GREB1: variants seen among roughly 807,000 people sequenced by gnomAD.
GREB1 encodes the protein growth regulating estrogen receptor binding 1.
Under a neutral mutation model 200.7 loss-of-function variants are expected in GREB1, and 106 were observed. The ratio of observed to expected loss-of-function variants is 0.53; its 90% CI spans 0.45 to 0.62. The LOEUF (loss-of-function observed/expected upper bound fraction) is 0.62, where lower values mean the gene tolerates loss of function less well. Ranked by LOEUF, GREB1 falls within the 20% of genes least tolerant of loss-of-function variation. GREB1 has a pLI of 0.00. For missense variants in GREB1, 2,243 were observed against 2,556.8 expected (o/e 0.88, Z 2.65); for synonymous variants, 1,132 against 1,092.4 (o/e 1.04, Z -0.72).
chr2:11,640,113 A>G lies in GREB1; in HGVS notation c.5687-178A>G, dbSNP rs1003322091. Among the ~76,000 whole-genome samples, 1 of 151,762 alleles carries G rather than the reference A, an allele frequency of 6.6e-6. No homozygotes were observed. The highest frequency in any genetic ancestry group is 2.4e-5 in the African/African-American group (1 of 41,290). On this transcript the variant is annotated intron_variant, in intron 32 of 32. Transcript: ENST00000381486. The surrounding 1 kb of genome is among the most constrained non-coding windows in gnomAD (Gnocchi z 4.6). ...CGCACACCTGCCACATCCCAGCCAC[A>G]CTCCTGTCTCGCTAAGATTGTACAT... is the stretch of plus-strand genomic sequence containing the variant.
intron 11 of GREB1, among the ~76,000 whole-genome samples, chr2:11,593,730 A>T (rs777761626): frequency 2.4e-4 from 36 of 152,138 alleles, no homozygotes; most frequent in Non-Finnish European, 4.3e-4. Context: ...AGGCCTCCCA[A>T]AGTGCTGGGA....
Position 11,585,864 on chromosome 2 carries a change from A to G in GREB1, c.1118A>G (p.Asn373Ser), listed in dbSNP as rs1308375299. 1.2e-6 allele frequency: 2 copies of G among 1,614,030 alleles called. No individual in the cohort carries two copies. The highest frequency in any genetic ancestry group is 1.1e-5 in the South Asian group (1 of 91,068). ...GGAGAACCAGTGTCTGTTCCTGACA[A>G]CTTGCTGAAAATATGCAAGGCCAAG... is the stretch of plus-strand genomic sequence containing the variant. ...ASGEPVSVPDNLLKICKAKPV... is the reference protein window; with the variant it reads ...ASGEPVSVPDSLLKICKAKPV... The change falls in exon 9 of 33, where the codon AAC becomes AGC. Residue 373 changes from asparagine (N) to serine (S), a missense_variant. Asn to Ser is a conservative substitution (Grantham distance 46). Coordinates refer to ENST00000381486, the MANE Select transcript of GREB1 (RefSeq NM_014668.4).
chr2:11,612,642 C>A, intron 19 of GREB1, 32 bp downstream of exon 19: 1 of 1,423,494 alleles, frequency 7.0e-7, no homozygotes, highest in South Asian at 1.2e-5. Context: ...CTGGGGGTCT[C>A]TGAGGAGCTG....
At chr2:11,499,792 A>G (rs189900272) in intron 1 of GREB1, among the ~76,000 whole-genome samples, 2 of 152,344 alleles carry the variant, frequency 1.3e-5, no homozygotes, top group African/African-American at 4.8e-5. Context: ...AAAAAAGGCT[A>G]TCATATTGTA....
At chr2:11,502,015 C>T (rs913545392) in intron 1 of GREB1, among the ~76,000 whole-genome samples, 12 of 138,096 alleles carry the variant, frequency 8.7e-5, no homozygotes, top group Middle Eastern at 8.5e-3. Flanking sequence ...CTCCCGGGTT[C>T]AAGCGGTTCT....
intron 1 of GREB1, among the ~76,000 whole-genome samples, chr2:11,521,315 G>T (rs1028859354): frequency 6.6e-6 from 1 of 151,984 alleles, no homozygotes; most frequent in Non-Finnish European, 1.5e-5. Flanking sequence ...TCACAATGTT[G>T]CCCGGGCTGG....
At chr2:11,498,478 A>G (rs1305480062) in intron 1 of GREB1, among the ~76,000 whole-genome samples, 2 of 152,250 alleles carry the variant, frequency 1.3e-5, no homozygotes, top group Admixed American at 1.3e-4. Flanking sequence ...TAAAGTTTGC[A>G]TAATAAATTA....
At chr2:11,588,456 G>C (rs368070662) in intron 9 of GREB1, 1 of 450,608 alleles carries the variant, frequency 2.2e-6, no homozygotes, top group African/African-American at 2.0e-5. Context: ...CTTGGCTCTG[G>C]GCAAGTCCCT....
intron 3 of GREB1, among the ~76,000 whole-genome samples, chr2:11,563,685 C>T (rs561089607): frequency 3.3e-5 from 5 of 152,336 alleles, no homozygotes; most frequent in Non-Finnish European, 7.3e-5. Flanking sequence ...AAATGGTTTA[C>T]ATATGACACT....
At chr2:11,606,910 G>C (rs1682354631) in intron 17 of GREB1, among the ~76,000 whole-genome samples, 1 of 151,732 alleles carries the variant, frequency 6.6e-6, no homozygotes, top group South Asian at 2.1e-4. Context: ...AGCCTCCTGA[G>C]TAGCTGGGAT....
chr2:11,541,751 C>T (rs1486961411), intron 1 of GREB1, among the ~76,000 whole-genome samples: 1 of 152,182 alleles, frequency 6.6e-6, no homozygotes, highest in Non-Finnish European at 1.5e-5. Flanking sequence ...ATTTCAAACA[C>T]CTTAGCAGGG....
Position 11,492,098 on chromosome 2 carries a change from C to T in GREB1, c.-159+9717C>T, listed in dbSNP as rs1200369761. Among the ~76,000 whole-genome samples the T allele has an allele frequency of 2.0e-5, 3 of 152,100 alleles. No homozygotes were observed. Among genetic ancestry groups the T allele is most frequent in the Non-Finnish European group, 4.4e-5 (3 of 68,040 alleles). On this transcript the variant is annotated intron_variant, in intron 1 of 2. Coordinates refer to the GREB1 transcript ENST00000628795. The surrounding 1 kb of genome is among the most constrained non-coding windows in gnomAD (Gnocchi z 4.0). The stretch of plus-strand genomic sequence containing the variant: ...CTGGATTCCCCATGGCTCTTCCAGC[C>T]GTCTGGTTGACTCCCTGCCTGGCTA...
intron 11 of GREB1, among the ~76,000 whole-genome samples, chr2:11,593,720 A>G (rs1680954552): frequency 6.6e-6 from 1 of 151,838 alleles, no homozygotes; most frequent in East Asian, 2.0e-4. Context: ...CCACCTGCCT[A>G]GGCCTCCCAA....
chr2:11,483,690 GTGTGTGT>G (rs1558476341), intron 1 of GREB1, among the ~76,000 whole-genome samples: 83 of 2,130 alleles, frequency 0.039, no homozygotes, highest in African/African-American at 0.068. Context: ...AAGAAGGGGT[GTGTGTGT>G]GTGTGTGTGT....
intron 27 of GREB1, 114 bp from the exon 28 acceptor site, chr2:11,632,775 G>C (rs1252789551): frequency 2.6e-6 from 2 of 781,096 alleles, no homozygotes; most frequent in Non-Finnish European, 4.2e-6. Context: ...ATTCATGTCA[G>C]GAAGGTCGGG....
chr2:11,604,116 C>G (rs1682035432), intron 17 of GREB1, among the ~76,000 whole-genome samples: 2 of 152,198 alleles, frequency 1.3e-5, no homozygotes, highest in African/African-American at 4.8e-5. Flanking sequence ...CAGTTTTAAC[C>G]TTGGCAAATC....
intron 1 of GREB1, among the ~76,000 whole-genome samples, chr2:11,497,096 C>A (rs1295861350): frequency 1.3e-5 from 2 of 152,196 alleles, no homozygotes; most frequent in East Asian, 3.9e-4. Flanking sequence ...CACGCCTGGC[C>A]TGTACTGCCC....
rs75544585 is a variant in GREB1 at position 11,513,593 on chromosome 2, G to A, written c.-159+31212G>A. On this transcript the variant is annotated intron_variant, in intron 1 of 2. Transcript: ENST00000628795. ...TTCTGAAACTCTATAGTCCTGGCTT[G>A]GAGATTTATTTTGACTTGCCAGAAA... 4.3e-3 allele frequency among the ~76,000 whole-genome samples: 658 copies of A among 152,154 alleles called. 3 individuals carry two copies. The highest frequency in any genetic ancestry group is 0.013 in the African/African-American group (529 of 41,490).
intron 1 of GREB1, among the ~76,000 whole-genome samples, chr2:11,553,217 A>G (rs572599826): frequency 6.6e-6 from 1 of 152,216 alleles, no homozygotes; most frequent in Non-Finnish European, 1.5e-5. Context: ...TTTTGTGAGT[A>G]TGAAAACTTT....
Sources: gnomAD v4.1 joint callset for allele counts (sites outside exome capture counted in the v4.1 genomes callset) on GRCh38, gnomAD v4.1.1 for gene constraint, Gnocchi (gnomAD v3.1) non-coding constraint, MANE v1.5 for transcripts, NCBI Gene and HGNC (gene_info 2026-07-23, HGNC 2026-07-21) for gene names.